Variants in PARP6 observed in about 807,000 individuals in gnomAD.
PARP6 encodes protein mono-ADP-ribosyltransferase PARP6.
Under a neutral mutation model 92.0 loss-of-function variants are expected in PARP6, and 27 were observed. That is an observed-to-expected ratio of 0.29 (90% CI 0.22 to 0.40). The LOEUF (loss-of-function observed/expected upper bound fraction) is 0.40. Among genes scored for constraint, PARP6 ranks in the 10% least tolerant of loss-of-function variants. PARP6 has a pLI of 1.00. For missense variants in PARP6, 501 were observed against 784.5 expected, an observed-to-expected ratio of 0.64 and a Z score of 4.32; for synonymous variants, 272 against 281.2, an observed-to-expected ratio of 0.97 and a Z score of 0.33.
At chr15:72,267,412 T>G (rs148335964) in intron 3 of PARP6, 63 bp downstream of exon 3, 10 of 1,566,720 alleles carry the variant, frequency 6.4e-6, no homozygotes, top group Middle Eastern at 1.7e-4. Flanking sequence ...AAGGGTGAGA[T>G]CTGCACTTTG....
intron 9 of PARP6, 61 bp from the exon 10 acceptor site, chr15:72,260,749 G>A (rs1355028197): frequency 7.5e-7 from 1 of 1,331,726 alleles, no homozygotes; most frequent in Non-Finnish European, 1.1e-6. Context: ...CCCTGGAGGG[G>A]ACTGGAGATA....
chr15:72,261,968 A>T (rs1051435988), intron 8 of PARP6, among the ~76,000 whole-genome samples: 4 of 152,166 alleles, frequency 2.6e-5, no homozygotes, highest in African/African-American at 9.7e-5. Context: ...GAGATTTCAA[A>T]GGTGAGCCTT....
chr15:72,264,837 G>C (rs2086366112), intron 7 of PARP6, among the ~76,000 whole-genome samples: 1 of 152,146 alleles, frequency 6.6e-6, no homozygotes, highest in African/African-American at 2.4e-5. Context: ...GAGAAAAGGA[G>C]GAGAAAGAAA....
chr15:72,265,302 A>G, intron 6 of PARP6, 111 bp downstream of exon 6: 3 of 1,089,166 alleles, frequency 2.8e-6, no homozygotes, highest in Non-Finnish European at 4.3e-6. Context: ...AAAGACAGAG[A>G]TGAAGAATAT....
chr15:72,271,879 G>A (rs2087489419), intron 1 of PARP6, among the ~76,000 whole-genome samples: 2 of 152,218 alleles, frequency 1.3e-5, no homozygotes, highest in African/African-American at 4.8e-5. Flanking sequence ...ATGTAAATGA[G>A]CCTCAAGTCT....
intron 15 of PARP6, chr15:72,253,999 G>A (rs1162976246): frequency 8.7e-6 from 4 of 458,756 alleles, no homozygotes. Flanking sequence ...TTGCAGACGA[G>A]GGGTGGGGAA....
rs143304326 is a variant in PARP6, at chr15:72,262,022, C to T, written c.396-315G>A. On this transcript the variant is annotated intron_variant, in intron 8 of 23. Transcript: ENST00000569795. ...AAATCTATTGCCAAGAATGACTATA[C>T]TGTTGACAGGGAAACAGAAGTGGTA... Among the ~76,000 whole-genome samples the T allele has an allele frequency of 2.7e-3, 411 of 152,282 alleles. 3 individuals are homozygous for T. The highest frequency in any genetic ancestry group is 9.8e-3 in the African/African-American group (407 of 41,546).
At chr15:72,253,376 C>G in intron 16 of PARP6, 61 bp downstream of exon 16, 1 of 1,312,598 alleles carries the variant, frequency 7.6e-7, no homozygotes, top group Admixed American at 1.7e-5. Context: ...GGTACAGGTT[C>G]CATGTCCAAT....
chr15:72,265,622 C>T lies in PARP6; in HGVS notation c.177-149G>A, dbSNP rs1468690323. On this transcript the variant is annotated intron_variant, in intron 5 of 23. Transcript: ENST00000569795. ...ACCTAGGGTCTTAGCTATAGCCTTA[C>T]ACCACTTACCTGATCAGGATCTACT... 12 of 677,298 alleles carry T rather than the reference C, an allele frequency of 1.8e-5. No individual in the cohort carries two copies. In the East Asian group the frequency reaches 2.9e-4, roughly 17 times the overall value. 42.0% of individuals were successfully genotyped at this position (677,298 alleles called of 1,614,324 possible). A position where few individuals can be genotyped will look rare whatever the true frequency, so the allele number is the denominator to read the frequency against.
At chr15:72,246,824 ACCTCACTGCAAC>A (rs2083671366) in intron 20 of PARP6, among the ~76,000 whole-genome samples, 1 of 150,978 alleles carries the variant, frequency 6.6e-6, no homozygotes, top group South Asian at 2.1e-4. Flanking sequence ...GCGCAGTCTC[ACCTCACTGCAAC>A]CTCCGCCTCC....
chr15:72,269,559 T>A (rs535891611), intron 2 of PARP6, among the ~76,000 whole-genome samples: 1 of 152,116 alleles, frequency 6.6e-6, no homozygotes, highest in Admixed American at 6.5e-5. Flanking sequence ...TAGGAACTTG[T>A]TAGAAATGCA....
At chr15:72,272,093 A>G (rs2141156119) in intron 1 of PARP6, among the ~76,000 whole-genome samples, 1 of 152,252 alleles carries the variant, frequency 6.6e-6, no homozygotes, top group South Asian at 2.1e-4. Context: ...AGGAAGAATC[A>G]CTGAGGGGCG....
chr15:72,263,701 T>C (rs1260667049), intron 8 of PARP6, among the ~76,000 whole-genome samples: 1 of 152,162 alleles, frequency 6.6e-6, no homozygotes, highest in Non-Finnish European at 1.5e-5. Context: ...TCTGTCTACA[T>C]GGACAACTCT....
At chr15:72,247,286 G>A (rs1242470947) in intron 20 of PARP6, among the ~76,000 whole-genome samples, 1 of 152,040 alleles carries the variant, frequency 6.6e-6, no homozygotes, top group East Asian at 1.9e-4. Context: ...TGATCTTCCT[G>A]CCTCAGCCTC....
intron 8 of PARP6, among the ~76,000 whole-genome samples, chr15:72,264,007 C>A (rs1423717336): frequency 7.0e-6 from 1 of 143,688 alleles, no homozygotes; most frequent in Non-Finnish European, 1.5e-5. Context: ...TGGGTGAGAG[C>A]AAGACTCTGT....
At chr15:72,270,944 G>A (rs959551963) in intron 2 of PARP6, 79 bp downstream of exon 2, 1 of 152,134 alleles carries the variant, frequency 6.6e-6, no homozygotes, top group African/African-American at 2.4e-5. Context: ...TCAAATGGGA[G>A]ATATATACAA....
chr15:72,259,501 G>T, intron 11 of PARP6, 107 bp downstream of exon 11: 1 of 867,516 alleles, frequency 1.2e-6, no homozygotes, highest in Non-Finnish European at 1.9e-6. Flanking sequence ...AGTTCTGGAA[G>T]CAAAGCAATT....
chr15:72,262,242 T>C (rs1374196341), intron 8 of PARP6, among the ~76,000 whole-genome samples: 1 of 152,236 alleles, frequency 6.6e-6, no homozygotes, highest in African/African-American at 2.4e-5. Flanking sequence ...CTCTAAGGTA[T>C]TGTTCTAAAT....
intron 20 of PARP6, chr15:72,245,665 T>G (rs538547373): frequency 1.6e-4 from 24 of 152,356 alleles, no homozygotes; most frequent in African/African-American, 4.6e-4. Context: ...ACTCCAATAG[T>G]AAAATTCAAC....
Sources: allele counts gnomAD v4.1 joint callset (sites outside exome capture counted in the v4.1 genomes callset), GRCh38; gene constraint gnomAD v4.1.1; transcripts MANE v1.5; gene names NCBI Gene and HGNC (gene_info 2026-07-23, HGNC 2026-07-21).